The following SGCD variants were observed in gnomAD, a reference collection of about 807,000 sequenced individuals.
SGCD encodes delta-sarcoglycan.
A neutral mutation model predicts 36.6 loss-of-function variants in SGCD; 18 were observed. The ratio of observed to expected loss-of-function variants is 0.49; its 90% CI spans 0.34 to 0.73. SGCD has a LOEUF of 0.73. Among genes scored for constraint, SGCD ranks in the 30% least tolerant of loss-of-function variants. SGCD has a pLI of 0.01. For missense variants in SGCD, 387 were observed against 346.7 expected (o/e 1.12, Z -0.92); for synonymous variants, 133 against 130.6 (o/e 1.02, Z -0.12).
intron 7 of SGCD, among the ~76,000 whole-genome samples, chr5:156,674,787 C>T (rs915161996): frequency 3.3e-5 from 5 of 152,114 alleles, no homozygotes; most frequent in African/African-American, 7.2e-5. Context: ...TGACCAGCAT[C>T]GACTCCTTTT....
chr5:156,528,111 C>T (rs1315522364), intron 4 of SGCD, among the ~76,000 whole-genome samples: 1 of 152,130 alleles, frequency 6.6e-6, no homozygotes, highest in Non-Finnish European at 1.5e-5. Flanking sequence ...TGGAGAAAGG[C>T]AGTACTACAT....
chr5:155,982,331 A>G (rs1286043946), intron 1 of SGCD, among the ~76,000 whole-genome samples: 1 of 152,210 alleles, frequency 6.6e-6, no homozygotes, highest in Non-Finnish European at 1.5e-5. Flanking sequence ...AAATGATAGG[A>G]GAATATAAAT....
intron 7 of SGCD, among the ~76,000 whole-genome samples, chr5:156,720,049 G>A (rs1430458445): frequency 2.0e-5 from 3 of 152,140 alleles, no homozygotes; most frequent in African/African-American, 7.2e-5. Flanking sequence ...AGTCCCAGAA[G>A]CTCTACCCCT....
the SGCD span, among the ~76,000 whole-genome samples, chr5:155,842,431 G>A: frequency 9.2e-5 from 14 of 151,950 alleles, no homozygotes; most frequent in African/African-American, 2.9e-4. Flanking sequence ...AAATTATCTG[G>A]GCATGGTGGT....
Position 156,670,837 on chromosome 5 carries a change from G to A in SGCD, c.575+23301G>A, listed in dbSNP as rs193148690. Among the ~76,000 whole-genome samples the A allele has an allele frequency of 3.3e-5, 5 of 152,232 alleles. No individual in the cohort carries two copies. In the East Asian group the frequency reaches 9.7e-4, roughly 29 times the overall value. ...CATGTTGGGCTAGATGTCCTTCCTT[G>A]TTTGCTGTCCTTCAGTGGCTGTCAC... On this transcript the variant is annotated intron_variant, in intron 7 of 8. Transcript: ENST00000337851.
intron 3 of SGCD, among the ~76,000 whole-genome samples, chr5:156,177,510 T>C (rs1423337955): frequency 6.6e-6 from 1 of 152,194 alleles, no homozygotes; most frequent in Non-Finnish European, 1.5e-5. Flanking sequence ...GTTACTTGAT[T>C]ATACAGTTCT....
At chr5:156,410,483 ATGTAACAAACC>A (rs1772680636) in intron 3 of SGCD, among the ~76,000 whole-genome samples, 1 of 152,206 alleles carries the variant, frequency 6.6e-6, no homozygotes, top group Non-Finnish European at 1.5e-5. Flanking sequence ...CAATATACCC[ATGTAACAAACC>A]TGCACATGTA....
chr5:155,817,102 ATAACTT>A, the SGCD span, among the ~76,000 whole-genome samples: 1 of 152,190 alleles, frequency 6.6e-6, no homozygotes, highest in Non-Finnish European at 1.5e-5. Flanking sequence ...TATAGTTACA[ATAACTT>A]TAACAGTATA....
intron 3 of SGCD, among the ~76,000 whole-genome samples, chr5:156,420,529 T>A (rs56132359): frequency 0.19 from 29,521 of 152,130 alleles, 3,184 homozygotes; most frequent in African/African-American, 0.28. Flanking sequence ...TTTTTTTGCC[T>A]GATATTTCTG....
chr5:156,316,364 G>T (rs1205664345), intron 3 of SGCD, among the ~76,000 whole-genome samples: 1 of 151,906 alleles, frequency 6.6e-6, no homozygotes, highest in Non-Finnish European at 1.5e-5. Context: ...AATTAATATT[G>T]TCAAAATGTC....
intron 1 of SGCD, among the ~76,000 whole-genome samples, chr5:156,070,246 A>G (rs1382241475): frequency 1.3e-5 from 2 of 151,966 alleles, no homozygotes; most frequent in East Asian, 3.8e-4. Context: ...TTGCCCATTC[A>G]GTATGATATT....
At chr5:156,479,410 T>G (rs1291120548) in intron 3 of SGCD, among the ~76,000 whole-genome samples, 1 of 152,172 alleles carries the variant, frequency 6.6e-6, no homozygotes, top group African/African-American at 2.4e-5. Context: ...TTCAAGATTC[T>G]TATCAAAGAT....
At chr5:156,527,138 T>C (rs1009935691) in intron 4 of SGCD, among the ~76,000 whole-genome samples, 7 of 152,170 alleles carry the variant, frequency 4.6e-5, no homozygotes, top group Non-Finnish European at 1.5e-5. Context: ...CTTCTGGATC[T>C]CTCAGTAATT....
At chr5:156,369,236 C>T (rs547027906) in intron 3 of SGCD, among the ~76,000 whole-genome samples, 1 of 152,294 alleles carries the variant, frequency 6.6e-6, no homozygotes, top group South Asian at 2.1e-4. Context: ...AGTTGATACT[C>T]CATAAGGACT....
chr5:156,549,883 A>G (rs1040473800), intron 4 of SGCD, among the ~76,000 whole-genome samples: 1 of 152,234 alleles, frequency 6.6e-6, no homozygotes. Flanking sequence ...GAAATTTACC[A>G]TTTCATAGAA....
chr5:155,860,094 T>C, the SGCD span, among the ~76,000 whole-genome samples: 1 of 152,252 alleles, frequency 6.6e-6, no homozygotes, highest in Non-Finnish European at 1.5e-5. Flanking sequence ...AACAATTTAC[T>C]TGAATTGCTG....
intron 1 of SGCD, among the ~76,000 whole-genome samples, chr5:156,087,952 C>A (rs1045880550): frequency 3.3e-5 from 5 of 152,176 alleles, no homozygotes; most frequent in African/African-American, 1.2e-4. Flanking sequence ...AGTGTCCTGG[C>A]CATCCTGATG....
intron 4 of SGCD, among the ~76,000 whole-genome samples, chr5:156,569,827 T>C (rs1759645106): frequency 6.6e-6 from 1 of 152,054 alleles, no homozygotes; most frequent in African/African-American, 2.4e-5. Context: ...GGTATGTGGA[T>C]TGTTTGAAGA....
chr5:155,978,270 A>T (rs1420027570), intron 1 of SGCD, among the ~76,000 whole-genome samples: 1 of 152,236 alleles, frequency 6.6e-6, no homozygotes, highest in African/African-American at 2.4e-5. Flanking sequence ...GCTTGCTAAA[A>T]ATGCAGATTC....
Sources: gnomAD v4.1 joint callset for allele counts (sites outside exome capture counted in the v4.1 genomes callset) on GRCh38, gnomAD v4.1.1 for gene constraint, MANE v1.5 for transcripts, NCBI Gene and HGNC (gene_info 2026-07-23, HGNC 2026-07-21) for gene names.